IL1RAPL2: variants seen among roughly 807,000 people sequenced by gnomAD.
The protein encoded by IL1RAPL2 is X-linked interleukin-1 receptor accessory protein-like 2.
Under a neutral mutation model 44.1 loss-of-function variants are expected in IL1RAPL2, and 3 were observed. The observed-to-expected ratio is 0.07, with a 90% CI of 0.03 to 0.18. The LOEUF is 0.18. Among genes scored for constraint, IL1RAPL2 ranks in the 10% least tolerant of loss-of-function variants. IL1RAPL2 has a pLI of 1.00. For synonymous variants in IL1RAPL2, 181 were observed against 178.8 expected, an observed-to-expected ratio of 1.01 and a Z score of -0.10; for missense variants, 391 against 496.4, an observed-to-expected ratio of 0.79 and a Z score of 2.02.
intron 2 of IL1RAPL2, among the ~76,000 whole-genome samples, chrX:104,902,450 A>C (rs1184717530): frequency 3.6e-5 from 4 of 112,272 alleles, no homozygotes; most frequent in Non-Finnish European, 5.6e-5. Context: ...AGTAAGAAAA[A>C]AAATTTCTCT....
chrX:104,687,846 C>T (rs1164498151), intron 2 of IL1RAPL2, among the ~76,000 whole-genome samples: 1 of 111,570 alleles, frequency 9.0e-6, no homozygotes, highest in African/African-American at 3.3e-5. Flanking sequence ...TAGACTATTA[C>T]AGTCACCTCA....
At chrX:105,680,145 A>G (rs2037911205) in intron 6 of IL1RAPL2, among the ~76,000 whole-genome samples, 1 of 111,523 alleles carries the variant, frequency 9.0e-6, no homozygotes, top group African/African-American at 3.3e-5. Flanking sequence ...GACTACAGGC[A>G]TAAGCCACCA....
At chrX:105,022,730 G>A (rs2031303285) in intron 2 of IL1RAPL2, among the ~76,000 whole-genome samples, 1 of 110,854 alleles carries the variant, frequency 9.0e-6, no homozygotes. Context: ...TGGGGCCTCT[G>A]GAAGACTGTA....
chrX:105,113,209 C>T (rs1408643512), intron 2 of IL1RAPL2, among the ~76,000 whole-genome samples: 2 of 112,459 alleles, frequency 1.8e-5, no homozygotes, highest in African/African-American at 6.5e-5. Flanking sequence ...GCCTATCTAC[C>T]TTGAATGAGC....
chrX:105,677,405 T>C (rs2037881753), intron 6 of IL1RAPL2, among the ~76,000 whole-genome samples: 1 of 112,372 alleles, frequency 8.9e-6, no homozygotes, highest in African/African-American at 3.2e-5. Flanking sequence ...ACTTTTCTCA[T>C]TCTGTGTTAT....
At chrX:105,108,623 G>A (rs1189645080) in intron 2 of IL1RAPL2, among the ~76,000 whole-genome samples, 2 of 101,491 alleles carry the variant, frequency 2.0e-5, no homozygotes, top group Non-Finnish European at 4.0e-5. Context: ...TTACAGGCAT[G>A]AGCCATGGCA....
rs368245769 is a variant in IL1RAPL2, at chrX:104,911,738, C to A, written c.82+252743C>A. The stretch of plus-strand genomic sequence containing the variant: ...CCTGGTCTACAAGTCCCTGCACTAT[C>A]TGACATACAGCTTCATCACCATCTC... On this transcript the variant is annotated intron_variant, in intron 2 of 10. Coordinates refer to ENST00000372582, the MANE Select transcript of IL1RAPL2 (RefSeq NM_017416.2). Among the ~76,000 whole-genome samples the A allele has an allele frequency of 4.1e-4, 46 of 112,013 alleles. No homozygotes were observed. The East Asian group carries it at 5.9e-3, about 14-fold the overall frequency.
chrX:105,517,007 C>T (rs2036519621), intron 6 of IL1RAPL2, among the ~76,000 whole-genome samples: 1 of 111,538 alleles, frequency 9.0e-6, no homozygotes, highest in South Asian at 3.8e-4. Flanking sequence ...AACTTAAAAT[C>T]AGGCCCCAGA....
intron 5 of IL1RAPL2, among the ~76,000 whole-genome samples, chrX:105,326,206 C>T (rs747089676): frequency 9.0e-6 from 1 of 110,602 alleles, no homozygotes; most frequent in Non-Finnish European, 1.9e-5. Context: ...TGTGCACCAC[C>T]ACATCTGGCT....
At chrX:104,792,498 ACT>A (rs1296369165) in intron 2 of IL1RAPL2, among the ~76,000 whole-genome samples, 2 of 111,097 alleles carry the variant, frequency 1.8e-5, no homozygotes, top group East Asian at 5.7e-4. Context: ...TGCATTGAAG[ACT>A]CTGAGAAATA....
At chrX:104,719,418 A>T (rs972123091) in intron 2 of IL1RAPL2, among the ~76,000 whole-genome samples, 2 of 111,990 alleles carry the variant, frequency 1.8e-5, no homozygotes, top group Non-Finnish European at 3.8e-5. Flanking sequence ...GCCAACATTA[A>T]TTGGGGCTAC....
intron 2 of IL1RAPL2, among the ~76,000 whole-genome samples, chrX:104,704,015 C>A (rs1459857741): frequency 1.0e-5 from 1 of 95,509 alleles, no homozygotes; most frequent in Non-Finnish European, 2.2e-5. Context: ...AATCTGGGGA[C>A]TTACTAGTGA....
chrX:104,742,133 A>G (rs1402764999), intron 2 of IL1RAPL2, among the ~76,000 whole-genome samples: 1 of 111,524 alleles, frequency 9.0e-6, no homozygotes, highest in African/African-American at 3.3e-5. Context: ...GAAAACCACA[A>G]AATCTGTTTA....
intron 6 of IL1RAPL2, among the ~76,000 whole-genome samples, chrX:105,619,390 A>G (rs971305257): frequency 8.9e-6 from 1 of 111,907 alleles, no homozygotes; most frequent in African/African-American, 3.2e-5. Flanking sequence ...CACCATTACA[A>G]AATAAGATTT....
chrX:105,599,571 A>C (rs2037235755), intron 6 of IL1RAPL2, among the ~76,000 whole-genome samples: 1 of 111,573 alleles, frequency 9.0e-6, no homozygotes, highest in African/African-American at 3.3e-5. Flanking sequence ...GAGGCACCAA[A>C]GAACTTAGTA....
At chrX:104,858,016 G>A (rs1008163070) in intron 2 of IL1RAPL2, among the ~76,000 whole-genome samples, 1 of 110,733 alleles carries the variant, frequency 9.0e-6, no homozygotes, top group Non-Finnish European at 1.9e-5. Flanking sequence ...TTTTTTTTCA[G>A]TCCGCCAGTA....
At chrX:105,362,493 G>A (rs2035254784) in intron 5 of IL1RAPL2, among the ~76,000 whole-genome samples, 1 of 110,705 alleles carries the variant, frequency 9.0e-6, no homozygotes, top group African/African-American at 3.3e-5. Context: ...CACAGCCTGA[G>A]GGGGTAGGAA....
chrX:105,730,184 A>G (rs1378874263), intron 7 of IL1RAPL2, among the ~76,000 whole-genome samples: 2 of 111,255 alleles, frequency 1.8e-5, no homozygotes, highest in Non-Finnish European at 3.8e-5. Context: ...TATTCCATGG[A>G]AAAGGAAATG....
chrX:105,764,411 C>T (rs939786723), intron 10 of IL1RAPL2, among the ~76,000 whole-genome samples: 1 of 112,044 alleles, frequency 8.9e-6, no homozygotes, highest in African/African-American at 3.2e-5. Context: ...AGCCAAAGCC[C>T]ATGACATCCC....
Sources: allele counts gnomAD v4.1 joint callset (sites outside exome capture counted in the v4.1 genomes callset), GRCh38; gene constraint gnomAD v4.1.1; transcripts MANE v1.5; gene names NCBI Gene and HGNC (gene_info 2026-07-23, HGNC 2026-07-21).